The following ESR1 variants were observed in gnomAD, a reference collection of about 807,000 sequenced individuals.
ESR1 encodes the protein estrogen receptor 1, also known as estrogen receptor.
In ESR1, 12 loss-of-function variants were observed where a neutral mutation model predicts 52.7. The ratio of observed to expected loss-of-function variants is 0.23; its 90% CI spans 0.15 to 0.37. The LOEUF is 0.37. ESR1 is among the 10% of genes least tolerant of loss of function. The pLI is 1.00. For synonymous variants in ESR1, 305 were observed against 316.8 expected (o/e 0.96, Z 0.39); for missense variants, 584 against 779.7 (o/e 0.75, Z 2.99).
chr6:152,077,924 C>T (rs542127568), intron 6 of ESR1, among the ~76,000 whole-genome samples: 166 of 152,206 alleles, frequency 1.1e-3, no homozygotes, highest in South Asian at 2.7e-3. Context: ...GGACTGTGGA[C>T]TTTTGGTTAA....
At chr6:151,844,943 A>G (rs913669018) in intron 2 of ESR1, among the ~76,000 whole-genome samples, 3 of 152,222 alleles carry the variant, frequency 2.0e-5, no homozygotes, top group Non-Finnish European at 4.4e-5. Context: ...TGTTACCTGT[A>G]TGAGAAAGAT....
At chr6:152,083,422 C>T (rs551617174) in intron 6 of ESR1, among the ~76,000 whole-genome samples, 51 of 152,286 alleles carry the variant, frequency 3.3e-4, no homozygotes, top group Admixed American at 5.2e-4. Flanking sequence ...ATGTAGAAAG[C>T]TGAAACTGGA....
chr6:151,680,131 G>A (rs926227911), intron 1 of ESR1, among the ~76,000 whole-genome samples: 1 of 151,990 alleles, frequency 6.6e-6, no homozygotes, highest in Non-Finnish European at 1.5e-5. Context: ...CTGAGATCAG[G>A]GTGCCAGCAT....
chr6:151,867,766 T>C (rs1790210022), intron 2 of ESR1, among the ~76,000 whole-genome samples: 2 of 152,112 alleles, frequency 1.3e-5, no homozygotes, highest in Admixed American at 1.3e-4. Context: ...CTACAATTAG[T>C]AGTTATTTCT....
At chr6:151,716,817 G>A (rs2128009061) in intron 2 of ESR1, among the ~76,000 whole-genome samples, 1 of 152,280 alleles carries the variant, frequency 6.6e-6, no homozygotes, top group East Asian at 1.9e-4. Flanking sequence ...CCTGGCTTCA[G>A]CCCCCTTTTC....
chr6:152,029,902 T>G (rs1332613882), intron 5 of ESR1, among the ~76,000 whole-genome samples: 1 of 152,148 alleles, frequency 6.6e-6, no homozygotes, highest in African/African-American at 2.4e-5. Flanking sequence ...AAAGATTGGG[T>G]TACCCACAAA....
Position 151,704,013 on chromosome 6 carries a change from T to A in ESR1, c.-71+2008T>A, listed in dbSNP as rs1184786287. On this transcript the variant is annotated intron_variant, in intron 2 of 2. Transcript: ENST00000404742. ...CCATTTTTGCTGCCTTTCCAATTTATAAACAACACAGAACATCAGTGGTTC... is the reference window on the plus strand; with the variant it reads ...CCATTTTTGCTGCCTTTCCAATTTAAAAACAACACAGAACATCAGTGGTTC... 3.3e-5 allele frequency among the ~76,000 whole-genome samples: 5 copies of A among 152,338 alleles called. No homozygotes were observed. In the East Asian group the frequency reaches 9.6e-4, roughly 29 times the overall value.
chr6:151,818,048 G>A (rs933969415), intron 1 of ESR1, among the ~76,000 whole-genome samples: 2 of 152,168 alleles, frequency 1.3e-5, no homozygotes, highest in Non-Finnish European at 1.5e-5. Context: ...TCCCTCTGAC[G>A]TATTTGCAAA....
At chr6:151,794,493 A>AT (rs934377161) in intron 2 of ESR1, among the ~76,000 whole-genome samples, 13 of 152,180 alleles carry the variant, frequency 8.5e-5, no homozygotes, top group East Asian at 5.8e-4. Flanking sequence ...TTACTTCCAA[A>AT]TTTTTTTTAT....
intron 2 of ESR1, among the ~76,000 whole-genome samples, chr6:151,730,301 C>T (rs1782147107): frequency 6.6e-6 from 1 of 151,982 alleles, no homozygotes; most frequent in Non-Finnish European, 1.5e-5. Flanking sequence ...TCCCCTGTCT[C>T]GAGCTCTGCT....
At chr6:151,826,829 A>T (rs537039502) in intron 1 of ESR1, among the ~76,000 whole-genome samples, 6 of 152,316 alleles carry the variant, frequency 3.9e-5, no homozygotes, top group Non-Finnish European at 8.8e-5. Context: ...CTATTTGTCT[A>T]ATGGGACAAA....
At position 151,932,793 on chromosome 6, in the gene ESR1, G is replaced by A. The variant is rs1191136540; in HGVS notation, c.761-11380G>A. Among the ~76,000 whole-genome samples the A allele has an allele frequency of 1.9e-3, 283 of 150,192 alleles. 1 individual carries two copies. The highest frequency in any genetic ancestry group is 6.7e-3 in the African/African-American group (274 of 40,874). Reference sequence around the variant, plus strand: ...ATGCGGCGTTATTTCTGAGGGCTCTGTTCTGTTCCATTGATCTATATCTCT... The same window carrying A: ...ATGCGGCGTTATTTCTGAGGGCTCTATTCTGTTCCATTGATCTATATCTCT... On this transcript the variant is annotated intron_variant, in intron 3 of 7. Coordinates refer to ENST00000206249, the MANE Select transcript of ESR1 (RefSeq NM_000125.4).
intron 4 of ESR1, among the ~76,000 whole-genome samples, chr6:151,982,629 C>T (rs922957329): frequency 3.9e-4 from 59 of 151,560 alleles, no homozygotes; most frequent in African/African-American, 1.4e-3. Context: ...GGACTATAGG[C>T]GCCCGCCACC....
chr6:151,964,809 T>A (rs757296503), intron 4 of ESR1, among the ~76,000 whole-genome samples: 24 of 152,006 alleles, frequency 1.6e-4, no homozygotes, highest in Non-Finnish European at 2.5e-4. Flanking sequence ...GCCCAGCTAA[T>A]TTTTTTGTAT....
intron 3 of ESR1, among the ~76,000 whole-genome samples, chr6:151,939,492 A>G (rs2034785746): frequency 6.6e-6 from 1 of 152,190 alleles, no homozygotes; most frequent in Non-Finnish European, 1.5e-5. Context: ...ATTCTATATA[A>G]TTAAGAATAA....
chr6:151,698,845 T>C (rs1249870669), intron 1 of ESR1, among the ~76,000 whole-genome samples: 2 of 152,160 alleles, frequency 1.3e-5, no homozygotes, highest in Non-Finnish European at 2.9e-5. Flanking sequence ...GAGGGTGACA[T>C]GATAACATTC....
intron 2 of ESR1, among the ~76,000 whole-genome samples, chr6:151,788,298 G>C (rs536966026): frequency 4.7e-4 from 72 of 152,240 alleles, no homozygotes; most frequent in Non-Finnish European, 1.0e-3. Flanking sequence ...CAAAGGGCAT[G>C]AACAGACACT....
chr6:151,767,377 T>A (rs1020224574), intron 2 of ESR1, among the ~76,000 whole-genome samples: 1 of 152,210 alleles, frequency 6.6e-6, no homozygotes, highest in Non-Finnish European at 1.5e-5. Flanking sequence ...TAGGTTGTCC[T>A]CAAAATGCAG....
chr6:151,782,285 AAG>A (rs1004424760), intron 2 of ESR1, among the ~76,000 whole-genome samples: 82 of 152,362 alleles, frequency 5.4e-4, no homozygotes, highest in African/African-American at 1.8e-3. Flanking sequence ...ATGAAATAGA[AAG>A]TGTTAAAAAT....
Sources: gnomAD v4.1 joint callset for allele counts (sites outside exome capture counted in the v4.1 genomes callset) on GRCh38, gnomAD v4.1.1 for gene constraint, MANE v1.5 for transcripts, NCBI Gene and HGNC (gene_info 2026-07-23, HGNC 2026-07-21) for gene names.